Variants in CTDSPL observed in about 807,000 individuals in gnomAD.
The protein encoded by CTDSPL is CTD small phosphatase like.
A neutral mutation model predicts 30.5 loss-of-function variants in CTDSPL; 8 were observed. The observed-to-expected ratio is 0.26, with a 90% CI of 0.15 to 0.47. The LOEUF (loss-of-function observed/expected upper bound fraction) is 0.47, where lower values mean the gene tolerates loss of function less well. Ranked by LOEUF, CTDSPL falls within the 20% of genes least tolerant of loss-of-function variation. CTDSPL has a pLI of 0.99. For synonymous variants in CTDSPL, 110 were observed against 137.9 expected, an observed-to-expected ratio of 0.80 and a Z score of 1.42; for missense variants, 248 against 366.1, an observed-to-expected ratio of 0.68 and a Z score of 2.63.
intron 1 of CTDSPL, among the ~76,000 whole-genome samples, chr3:37,900,748 G>A (rs1698439612): frequency 6.6e-6 from 1 of 152,008 alleles, no homozygotes; most frequent in Non-Finnish European, 1.5e-5. Flanking sequence ...GGTACCATGA[G>A]AATTTTTACA....
chr3:37,956,293 A>G (rs1313408001), intron 2 of CTDSPL, among the ~76,000 whole-genome samples: 5 of 152,240 alleles, frequency 3.3e-5, no homozygotes, highest in African/African-American at 1.2e-4. Context: ...CCTCTTAATA[A>G]AAATGGACAC....
At chr3:37,948,192 G>T (rs1189278976) in intron 2 of CTDSPL, among the ~76,000 whole-genome samples, 1 of 152,132 alleles carries the variant, frequency 6.6e-6, no homozygotes, top group African/African-American at 2.4e-5. Flanking sequence ...GCTGAGGCTG[G>T]AGAATCGCTT....
intron 1 of CTDSPL, among the ~76,000 whole-genome samples, chr3:37,933,919 C>G (rs1046174410): frequency 6.6e-5 from 10 of 152,146 alleles, no homozygotes; most frequent in Non-Finnish European, 1.3e-4. Context: ...ATTACTGTTG[C>G]AAACAAATTG....
intron 6 of CTDSPL, among the ~76,000 whole-genome samples, chr3:37,971,914 C>T (rs541987362): frequency 1.3e-5 from 2 of 152,338 alleles, no homozygotes; most frequent in African/African-American, 2.4e-5. Flanking sequence ...AAGTGTTGGA[C>T]ACTCACCCAC....
At chr3:37,927,627 G>GAA (rs869310526) in intron 1 of CTDSPL, among the ~76,000 whole-genome samples, 3 of 132,746 alleles carry the variant, frequency 2.3e-5, no homozygotes, top group Non-Finnish European at 4.8e-5. Context: ...GTGGTTAAAA[G>GAA]AAAAATATAT....
At chr3:37,879,916 A>C (rs767235488) in intron 1 of CTDSPL, among the ~76,000 whole-genome samples, 2 of 151,756 alleles carry the variant, frequency 1.3e-5, no homozygotes, top group African/African-American at 2.4e-5. Context: ...AATTATTATT[A>C]ATACTATCTC....
chr3:37,971,635 G>T, intron 6 of CTDSPL, 136 bp downstream of exon 6: 1 of 735,924 alleles, frequency 1.4e-6, no homozygotes. Flanking sequence ...ACCCCAGATG[G>T]GATGGATGCA....
At chr3:37,957,226 T>C in intron 3 of CTDSPL, 83 bp downstream of exon 3, 2 of 896,912 alleles carry the variant, frequency 2.2e-6, no homozygotes, top group Non-Finnish European at 3.5e-6. Context: ...AGGATTTTTT[T>C]TAATGTTATT....
chr3:37,911,505 A>G (rs1419905867), intron 1 of CTDSPL, among the ~76,000 whole-genome samples: 1 of 152,110 alleles, frequency 6.6e-6, no homozygotes, highest in Non-Finnish European at 1.5e-5. Context: ...TTACACAGAG[A>G]AGGCTGAGGG....
At position 37,943,975 on chromosome 3, in the gene CTDSPL, G is replaced by A. The variant is rs867762815; in HGVS notation, c.80-3082G>A. Among the ~76,000 whole-genome samples the A allele has an allele frequency of 8.0e-5, 12 of 150,556 alleles. 1 individual carries two copies. The South Asian group carries it at 1.1e-3, about 13-fold the overall frequency. On this transcript the variant is annotated intron_variant, in intron 1 of 7. Transcript: ENST00000273179. ...TAGACCAGGAGTGGCTGTGGGCCGT[G>A]ACAGTAGCCACATTGCTTCTGCAAG... is the stretch of plus-strand genomic sequence containing the variant.
Position 37,975,611 on chromosome 3 carries a change from C to A in CTDSPL, c.520-98C>A. 1 of 1,060,258 alleles carries A rather than the reference C, an allele frequency of 9.4e-7. No individual in the cohort carries two copies. Among genetic ancestry groups the A allele is most frequent in the Non-Finnish European group, 1.4e-6 (1 of 733,842 alleles). The allele number at this position is 1,060,258 out of a possible 1,614,324, so 65.7% of individuals were successfully genotyped here. On this transcript the variant is annotated intron_variant, in intron 6 of 7. Transcript: ENST00000273179. The surrounding 1 kb of genome is among the most constrained non-coding windows in gnomAD (Gnocchi z 4.9). ...CCTAAGACACATCTAATTATTAAATCCATTTTTAAAAAACGTAATCTGGAT... is the reference window on the plus strand; with the variant it reads ...CCTAAGACACATCTAATTATTAAATACATTTTTAAAAAACGTAATCTGGAT...
chr3:37,919,180 A>G (rs1698685770), intron 1 of CTDSPL, among the ~76,000 whole-genome samples: 1 of 152,170 alleles, frequency 6.6e-6, no homozygotes, highest in Non-Finnish European at 1.5e-5. Context: ...TTACTGTTTA[A>G]AAAGGCTATC....
intron 1 of CTDSPL, among the ~76,000 whole-genome samples, chr3:37,889,912 T>C (rs1353088277): frequency 6.6e-6 from 1 of 152,232 alleles, no homozygotes; most frequent in African/African-American, 2.4e-5. Context: ...TTCAATCAAG[T>C]GTAAAGACAG....
At chr3:37,917,382 A>G (rs1698661603) in intron 1 of CTDSPL, among the ~76,000 whole-genome samples, 1 of 152,218 alleles carries the variant, frequency 6.6e-6, no homozygotes, top group African/African-American at 2.4e-5. Flanking sequence ...ACAAATGAAA[A>G]CTAAGAAAGC....
intron 2 of CTDSPL, chr3:37,954,326 A>G (rs1575315675): frequency 6.6e-6 from 1 of 152,358 alleles, no homozygotes; most frequent in South Asian, 2.1e-4. Context: ...AGTTAATTTA[A>G]TAATCCAAAG....
At chr3:37,865,440 G>A (rs1697998263) in intron 1 of CTDSPL, among the ~76,000 whole-genome samples, 2 of 152,218 alleles carry the variant, frequency 1.3e-5, no homozygotes, top group Admixed American at 1.3e-4. Context: ...AATGTTCAAA[G>A]TAGACAAAGG....
intron 1 of CTDSPL, among the ~76,000 whole-genome samples, chr3:37,936,567 A>G (rs1698917828): frequency 6.6e-6 from 1 of 151,474 alleles, no homozygotes; most frequent in African/African-American, 2.4e-5. Flanking sequence ...GATGCATTCC[A>G]GAGATTACGG....
intron 1 of CTDSPL, among the ~76,000 whole-genome samples, chr3:37,938,270 G>A (rs1049924198): frequency 1.3e-5 from 2 of 150,106 alleles, no homozygotes; most frequent in African/African-American, 2.4e-5. Flanking sequence ...CTGAATCGGT[G>A]CAGACCTCAG....
intron 1 of CTDSPL, among the ~76,000 whole-genome samples, chr3:37,891,462 G>C (rs1698324664): frequency 6.6e-6 from 1 of 152,224 alleles, no homozygotes; most frequent in African/African-American, 2.4e-5. Context: ...CCAGCTGCAA[G>C]CGAGGACACA....
Sources: allele counts gnomAD v4.1 joint callset (sites outside exome capture counted in the v4.1 genomes callset), GRCh38; gene constraint gnomAD v4.1.1; non-coding constraint Gnocchi (gnomAD v3.1); transcripts MANE v1.5; gene names NCBI Gene and HGNC (gene_info 2026-07-23, HGNC 2026-07-21).